Variants in CCAR1 observed in about 807,000 individuals in gnomAD.
The protein encoded by CCAR1 is cell division cycle and apoptosis regulator 1, also known as cell division cycle and apoptosis regulator protein 1.
CCAR1 carries 78 observed loss-of-function variants against 163.8 expected under a neutral mutation model. That is an observed-to-expected ratio of 0.48 (90% CI 0.40 to 0.57). The LOEUF (loss-of-function observed/expected upper bound fraction) is 0.57. CCAR1 is among the 20% of genes least tolerant of loss of function. CCAR1 has a pLI of 0.00. For missense variants in CCAR1, 1,019 were observed against 1,365.2 expected (o/e 0.75, Z 4.00); for synonymous variants, 443 against 460.7 (o/e 0.96, Z 0.49).
In CCAR1 at chr10:68,756,241, T is replaced by C. The variant is rs1002387467; in HGVS notation, c.1626-32T>C. ...GGTCTTTAAAATGTATTTTAGAATT[T>C]TTTTTCCAACATGCTTCTTCCCTTG... On this transcript the variant is annotated intron_variant, in intron 13 of 24. Transcript: ENST00000265872. This position sits in a 1 kb window ranked among gnomAD's most constrained non-coding sequence, Gnocchi z 5.1. 4.4e-6 allele frequency: 7 copies of C among 1,573,804 alleles called. No individual in the cohort carries two copies. The highest frequency in any genetic ancestry group is 6.1e-6 in the Non-Finnish European group (7 of 1,149,006).
At chr10:68,780,207 T>G (rs1444708894) in intron 19 of CCAR1, among the ~76,000 whole-genome samples, 1 of 152,118 alleles carries the variant, frequency 6.6e-6, no homozygotes, top group African/African-American at 2.4e-5. Context: ...TCCCTCTCAT[T>G]CTTTCTTTTT....
At chr10:68,781,107 T>C (rs1169313509) in intron 19 of CCAR1, among the ~76,000 whole-genome samples, 1 of 151,668 alleles carries the variant, frequency 6.6e-6, no homozygotes. Flanking sequence ...TGGTGTACGC[T>C]TGTAATACCA....
chr10:68,723,853 GAAA>G (rs56293518), intron 2 of CCAR1, among the ~76,000 whole-genome samples: 1 of 143,196 alleles, frequency 7.0e-6, no homozygotes, highest in Non-Finnish European at 1.5e-5. Context: ...ATCTCAAAAA[GAAA>G]AAAAAAAAAA....
At chr10:68,790,248 C>G (rs2056838242) in intron 24 of CCAR1, among the ~76,000 whole-genome samples, 1 of 151,708 alleles carries the variant, frequency 6.6e-6, no homozygotes, top group Admixed American at 6.6e-5. Flanking sequence ...TCCTAGCTAC[C>G]CGGAAGGCTG....
chr10:68,753,783 A>G (rs2056366656), intron 10 of CCAR1, 69 bp from the exon 11 acceptor site: 2 of 1,128,864 alleles, frequency 1.8e-6, no homozygotes, highest in South Asian at 1.4e-5. Flanking sequence ...TATATTTGCT[A>G]CAGAATTAAA....
At chr10:68,725,098 C>T (rs1238121252) in intron 2 of CCAR1, among the ~76,000 whole-genome samples, 5 of 151,824 alleles carry the variant, frequency 3.3e-5, no homozygotes, top group African/African-American at 9.7e-5. Context: ...GCTCAGATTG[C>T]GCCATTGCGC....
chr10:68,750,562 A>G (rs2056318793), intron 10 of CCAR1, among the ~76,000 whole-genome samples: 1 of 152,158 alleles, frequency 6.6e-6, no homozygotes, highest in Non-Finnish European at 1.5e-5. Flanking sequence ...CTGCAAAACA[A>G]AGGTAATATT....
chr10:68,753,912 CTT>C lies in CCAR1; in HGVS notation c.1184_1185del (p.Phe395Ter). 1 of 1,614,046 alleles carries C rather than the reference CTT, an allele frequency of 6.2e-7. No homozygotes were observed. Among genetic ancestry groups the C allele is most frequent in the Non-Finnish European group, 8.5e-7 (1 of 1,179,980 alleles). On this transcript the variant is annotated frameshift_variant, in exon 11 of 25. Coordinates refer to ENST00000265872, the MANE Select transcript of CCAR1 (RefSeq NM_018237.4). ...RYQNLYIPSD[F>X]FDAQFTWVDA... is the part of the protein sequence containing the mutation. ...ATCAAAATTTGTATATACCTAGTGA[CTT>C]TTTTGATGCTCAATTTACATGGGTG...
chr10:68,776,086 C>T (rs1049083923), intron 19 of CCAR1, among the ~76,000 whole-genome samples: 1 of 152,068 alleles, frequency 6.6e-6, no homozygotes, highest in Non-Finnish European at 1.5e-5. Flanking sequence ...GCCTCAGCCT[C>T]CCAAAGTGCT....
rs1052814632 is a variant in CCAR1, at chr10:68,778,300, C to T, written c.2650+5201C>T. 5.9e-5 allele frequency among the ~76,000 whole-genome samples: 9 copies of T among 152,304 alleles called. No homozygotes were observed. The East Asian group carries it at 1.3e-3, about 23-fold the overall frequency. The stretch of plus-strand genomic sequence containing the variant: ...TGTCTCCAGTTACATCTCTTAACCC[C>T]TCTTCTTGAGAAGAGTGGACCCCTC... On this transcript the variant is annotated intron_variant, in intron 19 of 24. Coordinates refer to ENST00000265872, the MANE Select transcript of CCAR1 (RefSeq NM_018237.4).
intron 19 of CCAR1, 56 bp downstream of exon 19, chr10:68,773,155 C>T: frequency 2.2e-6 from 2 of 913,012 alleles, no homozygotes; most frequent in South Asian, 1.6e-5. Context: ...TTTTTGTTTG[C>T]TGACATTGTA....
intron 2 of CCAR1, among the ~76,000 whole-genome samples, chr10:68,732,939 G>T (rs775233813): frequency 1.3e-5 from 2 of 152,012 alleles, no homozygotes; most frequent in African/African-American, 2.4e-5. Flanking sequence ...AATAATAATA[G>T]AACCTGTGCC....
intron 19 of CCAR1, among the ~76,000 whole-genome samples, chr10:68,773,700 T>G (rs1039320747): frequency 5.3e-5 from 8 of 151,984 alleles, no homozygotes; most frequent in African/African-American, 1.7e-4. Flanking sequence ...CCTTGATGTT[T>G]CATATACTAA....
intron 16 of CCAR1, among the ~76,000 whole-genome samples, chr10:68,763,318 T>G (rs953131228): frequency 1.3e-5 from 2 of 151,812 alleles, no homozygotes; most frequent in Non-Finnish European, 2.9e-5. Flanking sequence ...GCCCAGCTAA[T>G]TTTTGTATTT....
At chr10:68,789,974 T>C in intron 24 of CCAR1, 59 bp downstream of exon 24, 1 of 981,884 alleles carries the variant, frequency 1.0e-6, no homozygotes, top group Non-Finnish European at 1.5e-6. Context: ...TCTGGTGTTT[T>C]TAATGTATTT....
At chr10:68,722,660 C>T (rs1425023574) in intron 2 of CCAR1, 83 bp downstream of exon 2, 2 of 1,053,176 alleles carry the variant, frequency 1.9e-6, no homozygotes, top group African/African-American at 1.6e-5. Context: ...GGTGGTGGCT[C>T]ACGCCTGTTA....
chr10:68,786,807 A>C, intron 21 of CCAR1, 115 bp downstream of exon 21: 1 of 872,604 alleles, frequency 1.1e-6, no homozygotes, highest in Non-Finnish European at 1.7e-6. Flanking sequence ...TATAAGGGCC[A>C]GGCGTGGTGG....
intron 16 of CCAR1, among the ~76,000 whole-genome samples, chr10:68,765,441 C>A (rs1564544945): frequency 6.6e-6 from 1 of 152,068 alleles, no homozygotes; most frequent in Non-Finnish European, 1.5e-5. Flanking sequence ...TGGCCTTTTC[C>A]CACCCATTTG....
chr10:68,762,088 G>A (rs1176078862), intron 16 of CCAR1, among the ~76,000 whole-genome samples: 1 of 151,836 alleles, frequency 6.6e-6, no homozygotes, highest in Non-Finnish European at 1.5e-5. Context: ...CCAGCACTTT[G>A]GGAGGCCGAG....
Sources: allele counts gnomAD v4.1 joint callset (sites outside exome capture counted in the v4.1 genomes callset), GRCh38; gene constraint gnomAD v4.1.1; non-coding constraint Gnocchi (gnomAD v3.1); transcripts MANE v1.5; gene names NCBI Gene and HGNC (gene_info 2026-07-23, HGNC 2026-07-21).